Variants in PCDHA1 observed in about 807,000 individuals in gnomAD.
PCDHA1 encodes protocadherin alpha 1.
In PCDHA1, 42 loss-of-function variants were observed where a neutral mutation model predicts 61.3. That is an observed-to-expected ratio of 0.69 (90% confidence interval 0.54 to 0.89). The LOEUF (loss-of-function observed/expected upper bound fraction) is 0.89, where lower values mean the gene tolerates loss of function less well. PCDHA1 is among the 40% of genes least tolerant of loss of function. The pLI, the probability that PCDHA1 is intolerant of heterozygous loss-of-function variation, is 0.00. For missense variants in PCDHA1, 1,256 were observed against 1,235.3 expected (o/e 1.02, Z -0.25); for synonymous variants, 610 against 553.8 (o/e 1.10, Z -1.43).
intron 1 of PCDHA1, among the ~76,000 whole-genome samples, chr5:140,890,562 C>T (rs1456006217): frequency 1.3e-5 from 2 of 151,980 alleles, no homozygotes; most frequent in Non-Finnish European, 2.9e-5. Flanking sequence ...TTTTATTGTT[C>T]CATTTCCTTC....
chr5:140,802,982 C>A lies in PCDHA1; in HGVS notation c.2394+14298C>A, dbSNP rs782518156. 49 of 1,614,008 alleles carry A rather than the reference C, an allele frequency of 3.0e-5. No homozygotes were observed. The Middle Eastern group carries it at 4.9e-4, about 16-fold the overall frequency. ...CGGGCCACGTGGTAGCGAAGGTGCG[C>A]GCAGTGGATGCAGACTCAGGCTACA... is the stretch of plus-strand genomic sequence containing the variant. On this transcript the variant is annotated intron_variant, in intron 1 of 3. Transcript: ENST00000504120.
chr5:140,810,327 G>T (rs541763834), intron 1 of PCDHA1: 2 of 152,304 alleles, frequency 1.3e-5, no homozygotes, highest in South Asian at 4.1e-4. Flanking sequence ...CATGTACACA[G>T]ATTTCTCTCA....
In PCDHA1 at chr5:140,808,422, C is replaced by T. The variant is rs147309851; in HGVS notation, c.2394+19738C>T. 451 of 1,614,150 alleles carry T rather than the reference C, an allele frequency of 2.8e-4. 2 individuals are homozygous for T. In the African/African-American group the frequency reaches 4.3e-3, roughly 15 times the overall value. On this transcript the variant is annotated intron_variant, in intron 1 of 3. Transcript: ENST00000504120. ...TACTACTCGTTGGTGCTGGACAGTG[C>T]CCTGGACCGCGAGAGCGTGTCAGCC...
intron 1 of PCDHA1, chr5:140,830,356 G>A (rs1771016173): frequency 1.2e-6 from 2 of 1,614,144 alleles, no homozygotes; most frequent in East Asian, 2.2e-5. Flanking sequence ...AGCAGAGGCG[G>A]CAGAGGGTGT....
chr5:140,786,661 A>G lies in PCDHA1; in HGVS notation c.371A>G (p.Lys124Arg). The G allele has an allele frequency of 1.2e-6, 2 of 1,614,258 alleles. No homozygotes were observed. Among genetic ancestry groups the G allele is most frequent in the Non-Finnish European group, 1.7e-6 (2 of 1,180,046 alleles). ...LQVFHVEVKV[K>R]DINDNPPVFR... ...GTTTTCCATGTGGAGGTGAAGGTGA[A>G]AGACATTAACGATAATCCACCCGTC... The change falls in exon 1 of 4, where the codon AAA (lysine) becomes AGA (arginine). Residue 124 changes from lysine to arginine, a missense_variant. Coordinates refer to ENST00000504120, the MANE Select transcript of PCDHA1 (RefSeq NM_018900.4).
chr5:140,884,021 G>C, intron 1 of PCDHA1: 1 of 1,613,318 alleles, frequency 6.2e-7, no homozygotes, highest in Non-Finnish European at 8.5e-7. Flanking sequence ...GCCGCGGTCG[G>C]TGGGTGCAGG....
At chr5:140,796,867 C>T (rs367904525) in intron 1 of PCDHA1, 3 of 1,614,094 alleles carry the variant, frequency 1.9e-6, no homozygotes, top group Non-Finnish European at 2.5e-6. Flanking sequence ...CAGCACGACA[C>T]GTGCCCTAGA....
intron 1 of PCDHA1, among the ~76,000 whole-genome samples, chr5:140,906,171 C>T (rs2072420841): frequency 6.6e-6 from 1 of 152,178 alleles, no homozygotes; most frequent in Non-Finnish European, 1.5e-5. Flanking sequence ...AGGAACAATA[C>T]TTTGCATCCT....
intron 1 of PCDHA1, chr5:140,821,416 A>G (rs1766971363): frequency 5.5e-6 from 1 of 180,776 alleles, no homozygotes; most frequent in African/African-American, 2.4e-5. Flanking sequence ...ATAGAGTTTA[A>G]TGATATATTT....
intron 1 of PCDHA1, chr5:140,867,470 T>C (rs1010353201): frequency 2.0e-5 from 3 of 152,066 alleles, no homozygotes; most frequent in Non-Finnish European, 4.4e-5. Context: ...ATGACAACAT[T>C]GGGAAAAGAG....
intron 1 of PCDHA1, among the ~76,000 whole-genome samples, chr5:140,909,531 G>A (rs2074565633): frequency 6.6e-6 from 1 of 152,160 alleles, no homozygotes. Flanking sequence ...CACATTTTGA[G>A]TCCTTGATGG....
At chr5:140,796,940 T>G (rs781820194) in intron 1 of PCDHA1, 27 of 1,613,714 alleles carry the variant, frequency 1.7e-5, no homozygotes, top group Non-Finnish European at 2.3e-5. Context: ...GAACCAGCGT[T>G]GACAGCCACG....
intron 1 of PCDHA1, among the ~76,000 whole-genome samples, chr5:140,799,725 C>G (rs1188641105): frequency 6.6e-6 from 1 of 152,058 alleles, no homozygotes; most frequent in Non-Finnish European, 1.5e-5. Flanking sequence ...GCAGTCCTGG[C>G]TTCCATTTCA....
rs139160493 is a variant in PCDHA1 at position 140,788,291 on chromosome 5, A to G, written c.2001A>G (p.Val667=). 324 of 1,613,850 alleles carry G rather than the reference A, an allele frequency of 2.0e-4. No homozygotes were observed. Among genetic ancestry groups the G allele is most frequent in the Middle Eastern group, 3.3e-4 (2 of 6,084 alleles). ...PALTATATVL[V]SLVESGQAPK... The stretch of plus-strand genomic sequence containing the variant: ...TGACAGCCACGGCCACTGTGCTTGT[A>G]TCTCTGGTGGAGAGCGGCCAGGCGC... The change falls in exon 1 of 4, where the codon GTA becomes GTG. Residue 667 remains valine, a synonymous_variant. Transcript: ENST00000504120.
In PCDHA1 at chr5:140,787,220, T is replaced by C. The variant is rs1554117736; in HGVS notation, c.930T>C (p.Tyr310=). 1.2e-6 allele frequency: 2 copies of C among 1,614,140 alleles called. No individual in the cohort carries two copies. Among genetic ancestry groups the C allele is most frequent in the African/African-American group, 1.3e-5 (1 of 75,056 alleles). ...TTAGGTTAATTGATAAACTGGATTA[T>C]GAAGAAACAAAATCCTACGAAATTC... The part of the protein sequence containing the change: ...GEIRLIDKLD[Y]EETKSYEIQV... The change falls in exon 1 of 4, where the codon TAT becomes TAC. Residue 310 remains tyrosine, a synonymous_variant. Transcript: ENST00000504120.
rs868916626 is a variant in PCDHA1, at chr5:140,946,629, T to C, written c.2395-32320T>C. 3.4e-3 allele frequency among the ~76,000 whole-genome samples: 415 copies of C among 123,330 alleles called. 16 individuals carry two copies. The highest frequency in any genetic ancestry group is 0.017 in the Middle Eastern group (4 of 240). The allele number at this position is 123,330 out of a possible 152,430, so 80.9% of individuals were successfully genotyped here. On this transcript the variant is annotated intron_variant, in intron 1 of 3. Coordinates refer to ENST00000504120, the MANE Select transcript of PCDHA1 (RefSeq NM_018900.4). ...AATGTGAAATATATATATATATATATATACAATGGAATACTCATCAGCCAT... is the reference window on the plus strand; with the variant it reads ...AATGTGAAATATATATATATATATACATACAATGGAATACTCATCAGCCAT...
chr5:140,877,006 G>T, intron 1 of PCDHA1: 2 of 1,612,484 alleles, frequency 1.2e-6, no homozygotes, highest in Non-Finnish European at 1.7e-6. Context: ...GTCGGTGCAC[G>T]CGGAGAGCGG....
At chr5:140,854,994 G>A (rs1261400565) in intron 1 of PCDHA1, among the ~76,000 whole-genome samples, 3 of 149,538 alleles carry the variant, frequency 2.0e-5, no homozygotes, top group Non-Finnish European at 4.5e-5. Context: ...CTTTTTGCCC[G>A]TGTAAGATAT....
chr5:140,877,112 G>T (rs782384853), intron 1 of PCDHA1: 18 of 1,613,552 alleles, frequency 1.1e-5, no homozygotes, highest in African/African-American at 4.0e-5. Context: ...CCTCTGGGCA[G>T]CAACGTGACG....
Sources: allele counts gnomAD v4.1 joint callset (sites outside exome capture counted in the v4.1 genomes callset), GRCh38; gene constraint gnomAD v4.1.1; transcripts MANE v1.5; gene names NCBI Gene and HGNC (gene_info 2026-07-23, HGNC 2026-07-21).